The following NRG4 variants were observed in gnomAD, a reference collection of about 807,000 sequenced individuals.
NRG4 encodes neuregulin 4.
NRG4 carries 10 observed loss-of-function variants against 15.0 expected under a neutral mutation model. The observed-to-expected ratio is 0.67, with a 90% CI of 0.41 to 1.13. The LOEUF is 1.13. Ranked by LOEUF, NRG4 falls within the 50% of genes most tolerant of loss-of-function variation. NRG4 has a pLI of 0.00. For synonymous variants in NRG4, 41 were observed against 50.1 expected, an observed-to-expected ratio of 0.82 and a Z score of 0.77; for missense variants, 139 against 140.2, an observed-to-expected ratio of 0.99 and a Z score of 0.04.
chr15:75,968,186 T>A (rs1457503291), intron 3 of NRG4, among the ~76,000 whole-genome samples: 1 of 152,214 alleles, frequency 6.6e-6, no homozygotes. Context: ...TTTGTTGATT[T>A]TCTTAATGTT....
intron 5 of NRG4, among the ~76,000 whole-genome samples, chr15:75,946,649 GCGC>G (rs546640183): frequency 5.4e-4 from 82 of 152,266 alleles, no homozygotes; most frequent in Non-Finnish European, 9.1e-4. Context: ...GTGAGCCACC[GCGC>G]CTGGCCCTCC....
intron 5 of NRG4, among the ~76,000 whole-genome samples, chr15:76,030,583 CAACTCAAAATGGAT>C (rs573312426): frequency 6.6e-6 from 1 of 152,164 alleles, no homozygotes; most frequent in African/African-American, 2.4e-5. Context: ...ATAAAAAAAG[CAACTCAAAATGGAT>C]TAACAATCTA....
chr15:75,951,185 T>TTTTTTTTC, intron 5 of NRG4: 1 of 148,238 alleles, frequency 6.7e-6, no homozygotes, highest in Non-Finnish European at 1.5e-5. Flanking sequence ...TTTTTTTTTT[T>TTTTTTTTC]GAGACGGAGT....
chr15:75,952,440 T>G (rs188506765), intron 5 of NRG4, among the ~76,000 whole-genome samples: 1 of 152,330 alleles, frequency 6.6e-6, no homozygotes, highest in African/African-American at 2.4e-5. Flanking sequence ...CCGAATAATA[T>G]TCCATAGTAG....
intron 4 of NRG4, among the ~76,000 whole-genome samples, chr15:76,047,707 G>A (rs906746686): frequency 1.3e-5 from 2 of 149,726 alleles, no homozygotes; most frequent in African/African-American, 5.0e-5. Flanking sequence ...TGGTAAAGAT[G>A]GTAAATTTTA....
intron 3 of NRG4, among the ~76,000 whole-genome samples, chr15:75,975,971 T>C (rs556501890): frequency 3.3e-4 from 50 of 152,340 alleles, no homozygotes; most frequent in African/African-American, 1.2e-3. Flanking sequence ...CCATTCACCC[T>C]ATCACTTTCA....
At chr15:75,985,667 C>T (rs1365295783) in intron 3 of NRG4, among the ~76,000 whole-genome samples, 1 of 152,154 alleles carries the variant, frequency 6.6e-6, no homozygotes, top group Non-Finnish European at 1.5e-5. Context: ...CGGCCAACTT[C>T]GCAAGGAGGC....
chr15:76,051,052 C>A (rs1404173612), intron 4 of NRG4, among the ~76,000 whole-genome samples: 1 of 148,978 alleles, frequency 6.7e-6, no homozygotes, highest in Non-Finnish European at 1.5e-5. Flanking sequence ...GTCGCCCAGG[C>A]TGGAGTGCAG....
At chr15:76,021,072 T>C (rs559614833) in intron 5 of NRG4, among the ~76,000 whole-genome samples, 50 of 152,352 alleles carry the variant, frequency 3.3e-4, no homozygotes, top group Non-Finnish European at 6.5e-4. Flanking sequence ...GGTTGACTTC[T>C]TGTTATAGGC....
intron 5 of NRG4, among the ~76,000 whole-genome samples, chr15:76,023,573 C>G (rs1464565746): frequency 6.6e-6 from 1 of 152,180 alleles, no homozygotes; most frequent in East Asian, 1.9e-4. Flanking sequence ...AAGGTGTGCA[C>G]TCCCCAACCC....
chr15:76,036,182 T>C (rs2035593204), intron 4 of NRG4, among the ~76,000 whole-genome samples: 1 of 152,248 alleles, frequency 6.6e-6, no homozygotes, highest in African/African-American at 2.4e-5. Context: ...CAGGCCCTGG[T>C]AAAAATTTCA....
chr15:75,993,100 A>T (rs1013951952), intron 3 of NRG4, among the ~76,000 whole-genome samples: 8 of 151,942 alleles, frequency 5.3e-5, no homozygotes, highest in Non-Finnish European at 1.2e-4. Context: ...GTTGCCATTC[A>T]TACTGCTATT....
rs1029612882 is a variant in NRG4, at chr15:75,956,135, T to A, written c.252-124A>T. On this transcript the variant is annotated intron_variant, in intron 4 of 5. Transcript: ENST00000394907. Reference sequence around the variant, plus strand: ...TTCCCCCTTTTTACAACACATCAAATGAAAGTATAAACTTGACTATTTGAT... The same window carrying A: ...TTCCCCCTTTTTACAACACATCAAAAGAAAGTATAAACTTGACTATTTGAT... 5 of 617,460 alleles carry A rather than the reference T, an allele frequency of 8.1e-6. No individual in the cohort carries two copies. In the African/African-American group the frequency reaches 9.3e-5, roughly 11 times the overall value. The allele number at this position is 617,460 out of a possible 1,614,324, so 38.2% of individuals were successfully genotyped here.
At chr15:76,016,221 TTTGA>T (rs2034970966), upstream of NRG4, among the ~76,000 whole-genome samples, 1 of 152,208 alleles carries the variant, frequency 6.6e-6, no homozygotes, top group Non-Finnish European at 1.5e-5. Context: ...ATTGTGTCTA[TTTGA>T]TTCTTTCTTT....
intron 5 of NRG4, among the ~76,000 whole-genome samples, chr15:76,025,662 G>A (rs1362019104): frequency 1.3e-5 from 2 of 152,028 alleles, no homozygotes; most frequent in Non-Finnish European, 2.9e-5. Context: ...GATCACTTGA[G>A]GTCAAAAGTT....
chr15:75,942,549 T>A lies in NRG4; in HGVS notation c.*1089A>T, dbSNP rs1567064873. The A allele has an allele frequency of 1.3e-5, 2 of 152,198 alleles. No homozygotes were observed. Among genetic ancestry groups the A allele is most frequent in the Non-Finnish European group, 2.9e-5 (2 of 68,034 alleles). The allele number at this position is 152,198 out of a possible 1,614,324, so 9.4% of individuals were successfully genotyped here. ...TCATTTTGTGTACTCTGTCTCAATG[T>A]CTTACCCTCATGTGTTTGTGAAATG... On this transcript the variant is annotated 3_prime_UTR_variant, in exon 6 of 6. Coordinates refer to ENST00000394907, the MANE Select transcript of NRG4 (RefSeq NM_138573.4).
In NRG4 at chr15:75,942,495, A is replaced by G. The variant is rs2031099663; in HGVS notation, c.*1143T>C. ...TTTCTGAAAATCTAAAACTTCTAAT[A>G]AAGTCTATTAAAATTATGTGAGAGC... On this transcript the variant is annotated 3_prime_UTR_variant, in exon 6 of 6. Coordinates refer to ENST00000394907, the MANE Select transcript of NRG4 (RefSeq NM_138573.4). 1 of 152,172 alleles carries G rather than the reference A, an allele frequency of 6.6e-6. No individual in the cohort carries two copies. Among genetic ancestry groups the G allele is most frequent in the Non-Finnish European group, 1.5e-5 (1 of 68,028 alleles). 9.4% of individuals were successfully genotyped at this position (152,172 alleles called of 1,614,324 possible). A position where few individuals can be genotyped will look rare whatever the true frequency, so the allele number is the denominator to read the frequency against.
chr15:75,976,204 T>C (rs1360978717), intron 3 of NRG4, among the ~76,000 whole-genome samples: 1 of 152,234 alleles, frequency 6.6e-6, no homozygotes, highest in African/African-American at 2.4e-5. Flanking sequence ...TATGTTCTTC[T>C]CTACACTGGT....
chr15:76,000,068 GA>G (rs1319228939), intron 3 of NRG4, among the ~76,000 whole-genome samples: 1 of 152,114 alleles, frequency 6.6e-6, no homozygotes, highest in African/African-American at 2.4e-5. Context: ...ATTTTTAGTA[GA>G]AACGGGGTTT....
Sources: allele counts gnomAD v4.1 joint callset (sites outside exome capture counted in the v4.1 genomes callset), GRCh38; gene constraint gnomAD v4.1.1; transcripts MANE v1.5; gene names NCBI Gene and HGNC (gene_info 2026-07-23, HGNC 2026-07-21).